Variants in RBFOX1 observed in about 807,000 individuals in gnomAD.
RBFOX1 encodes the protein RNA binding protein fox-1 homolog 1.
In RBFOX1, 8 loss-of-function variants were observed where a neutral mutation model predicts 57.7. The observed-to-expected ratio is 0.14, with a 90% CI of 0.08 to 0.25. RBFOX1 has a LOEUF of 0.25. RBFOX1 is among the 10% of genes least tolerant of loss of function. The pLI is 1.00. For missense variants in RBFOX1, 611 were observed against 548.5 expected, an observed-to-expected ratio of 1.11 and a Z score of -1.14; for synonymous variants, 326 against 222.4, an observed-to-expected ratio of 1.47 and a Z score of -4.15.
chr16:6,572,750 C>G (rs367706846), intron 2 of RBFOX1, among the ~76,000 whole-genome samples: 1 of 152,074 alleles, frequency 6.6e-6, no homozygotes, highest in African/African-American at 2.4e-5. Context: ...GAGATATGCA[C>G]CCAGCTAATT....
At chr16:6,954,298 A>G (rs563617869) in intron 3 of RBFOX1, among the ~76,000 whole-genome samples, 1 of 152,230 alleles carries the variant, frequency 6.6e-6, no homozygotes, top group South Asian at 2.1e-4. Flanking sequence ...TTTGACAGTG[A>G]GACTTGCTTA....
At chr16:7,482,546 T>A in intron 4 of RBFOX1, among the ~76,000 whole-genome samples, 1 of 125,732 alleles carries the variant, frequency 8.0e-6, no homozygotes, top group South Asian at 2.5e-4. Flanking sequence ...CCTGGGATTT[T>A]TTTTTTTTTT....
intron 1 of RBFOX1, among the ~76,000 whole-genome samples, chr16:6,301,703 G>A (rs182281138): frequency 4.4e-4 from 67 of 152,100 alleles, no homozygotes; most frequent in Admixed American, 7.9e-4. Flanking sequence ...ACAGTTTAGG[G>A]GAGTGCCTAG....
intron 1 of RBFOX1, among the ~76,000 whole-genome samples, chr16:5,265,168 G>C (rs1455227513): frequency 1.3e-5 from 2 of 152,134 alleles, no homozygotes; most frequent in East Asian, 3.9e-4. Flanking sequence ...CTACAGTGTG[G>C]GATGTCTGTA....
intron 2 of RBFOX1, among the ~76,000 whole-genome samples, chr16:5,501,603 A>G (rs1269232036): frequency 1.3e-5 from 2 of 152,208 alleles, no homozygotes; most frequent in African/African-American, 4.8e-5. Flanking sequence ...AATGAAGGCA[A>G]TTATAGCATC....
intron 3 of RBFOX1, among the ~76,000 whole-genome samples, chr16:5,716,568 G>A (rs1435614103): frequency 6.6e-5 from 10 of 152,228 alleles, no homozygotes; most frequent in Non-Finnish European, 1.5e-4. Context: ...AGATGTGGGC[G>A]AGGTTTGGAG....
intron 2 of RBFOX1, among the ~76,000 whole-genome samples, chr16:5,475,830 T>C (rs1038263181): frequency 1.3e-5 from 2 of 152,080 alleles, no homozygotes; most frequent in Admixed American, 1.3e-4. Context: ...GATGAGGCCT[T>C]GCTATGTTAT....
At chr16:6,897,673 A>G (rs1690760602) in intron 3 of RBFOX1, among the ~76,000 whole-genome samples, 1 of 152,054 alleles carries the variant, frequency 6.6e-6, no homozygotes, top group South Asian at 2.1e-4. Flanking sequence ...CGTGTCTGTA[A>G]TCACAGCCAG....
chr16:6,003,310 G>C (rs1262440801), intron 4 of RBFOX1, among the ~76,000 whole-genome samples: 1 of 151,214 alleles, frequency 6.6e-6, no homozygotes, highest in East Asian at 1.9e-4. Context: ...CAATGAGAGG[G>C]AAAGAGAAAA....
chr16:7,479,075 C>G (rs988581160), intron 4 of RBFOX1, among the ~76,000 whole-genome samples: 1 of 151,448 alleles, frequency 6.6e-6, no homozygotes, highest in Non-Finnish European at 1.5e-5. Context: ...GGCAGGAATG[C>G]ACTCAGGTTG....
At chr16:7,155,764 CAT>C (rs1555516689) in intron 4 of RBFOX1, among the ~76,000 whole-genome samples, 9 of 124,134 alleles carry the variant, frequency 7.3e-5, no homozygotes, top group Non-Finnish European at 9.9e-5. Context: ...CACACACACA[CAT>C]ATATATACAG....
At chr16:7,107,547 T>A (rs1207311363) in intron 4 of RBFOX1, among the ~76,000 whole-genome samples, 1 of 152,100 alleles carries the variant, frequency 6.6e-6, no homozygotes, top group Admixed American at 6.6e-5. Context: ...TGTGCATACC[T>A]GACAAACTTG....
At chr16:6,157,083 C>T (rs922488913) in intron 1 of RBFOX1, among the ~76,000 whole-genome samples, 1 of 152,062 alleles carries the variant, frequency 6.6e-6, no homozygotes, top group African/African-American at 2.4e-5. Flanking sequence ...TGATCCTCCA[C>T]CATGGCCTCC....
rs117844180 is a variant in RBFOX1 at position 6,701,681 on chromosome 16, G to C, written c.-16+47031G>C. ...TCATTACCCAGCACTATTCATAATAGCAAAGACATGGAATCAACCTGAATG... is the reference window on the plus strand; with the variant it reads ...TCATTACCCAGCACTATTCATAATACCAAAGACATGGAATCAACCTGAATG... On this transcript the variant is annotated intron_variant, in intron 3 of 15. Coordinates refer to ENST00000550418, the MANE Select transcript of RBFOX1 (RefSeq NM_018723.4). Among the ~76,000 whole-genome samples the C allele has an allele frequency of 8.7e-3, 1,324 of 152,216 alleles. 17 individuals carry two copies. The highest frequency in any genetic ancestry group is 0.013 in the Non-Finnish European group (882 of 68,014).
At chr16:5,586,799 C>T (rs2046844265) in intron 2 of RBFOX1, among the ~76,000 whole-genome samples, 1 of 152,202 alleles carries the variant, frequency 6.6e-6, no homozygotes, top group Non-Finnish European at 1.5e-5. Context: ...GGCTGGCCCC[C>T]ATTACCCCCA....
At chr16:6,294,131 A>G (rs1035027055) in intron 1 of RBFOX1, among the ~76,000 whole-genome samples, 9 of 151,824 alleles carry the variant, frequency 5.9e-5, no homozygotes, top group Non-Finnish European at 1.0e-4. Context: ...GCAGTGAGCT[A>G]TGCTGGTGCC....
chr16:5,914,507 C>T (rs2058666944), intron 4 of RBFOX1, among the ~76,000 whole-genome samples: 1 of 152,106 alleles, frequency 6.6e-6, no homozygotes, highest in South Asian at 2.1e-4. Flanking sequence ...GGTTGTTGGC[C>T]AGCCTCAGTT....
rs151069358 is a variant in RBFOX1, at chr16:5,886,535, T to G, written c.351+19200T>G. The stretch of plus-strand genomic sequence containing the variant: ...AATTAAAACAGCAATAACTAACATT[T>G]GGTCTTCTTATGTGAAAGAATACCA... On this transcript the variant is annotated intron_variant, in intron 4 of 19. Coordinates refer to the RBFOX1 transcript ENST00000641259. Among the ~76,000 whole-genome samples the G allele has an allele frequency of 3.3e-3, 508 of 152,360 alleles. 2 individuals are homozygous for G. Among genetic ancestry groups the G allele is most frequent in the African/African-American group, 0.012 (486 of 41,582 alleles).
intron 3 of RBFOX1, among the ~76,000 whole-genome samples, chr16:5,726,693 G>C (rs1228823639): frequency 6.6e-6 from 1 of 152,170 alleles, no homozygotes. Flanking sequence ...TATTTGCAAT[G>C]CTAATAGCTA....
Sources: allele counts gnomAD v4.1 joint callset (sites outside exome capture counted in the v4.1 genomes callset), GRCh38; gene constraint gnomAD v4.1.1; transcripts MANE v1.5; gene names NCBI Gene and HGNC (gene_info 2026-07-23, HGNC 2026-07-21).